ADCY1: variants seen among roughly 807,000 people sequenced by gnomAD.
ADCY1 encodes the protein adenylate cyclase type 1.
A neutral mutation model predicts 105.4 loss-of-function variants in ADCY1; 28 were observed. The ratio of observed to expected loss-of-function variants is 0.27; its 90% CI spans 0.20 to 0.36. ADCY1 has a LOEUF of 0.36. Among genes scored for constraint, ADCY1 ranks in the 10% least tolerant of loss-of-function variants. ADCY1 has a pLI of 1.00. For synonymous variants in ADCY1, 655 were observed against 623.8 expected (o/e 1.05, Z -0.75); for missense variants, 977 against 1,434.2 (o/e 0.68, Z 5.15).
In ADCY1 at chr7:45,592,812, G is replaced by C; in HGVS notation, c.693G>C (p.Val231=). ...FVGVNMYGVF[V]RILTERSQRK... ...GTGTGAACATGTATGGGGTCTTTGT[G>C]CGGATTCTGACTGAGCGTTCACAGA... The change falls in exon 2 of 20, where the codon GTG becomes GTC. Residue 231 remains valine, a synonymous_variant. Coordinates refer to ENST00000297323, the MANE Select transcript of ADCY1 (RefSeq NM_021116.4). 6.2e-7 allele frequency: 1 copy of C among 1,614,218 alleles called. No homozygotes were observed. Among genetic ancestry groups the C allele is most frequent in the Middle Eastern group, 1.6e-4 (1 of 6,062 alleles).
At position 45,574,952 on chromosome 7, in the gene ADCY1, T is replaced by A; in HGVS notation, c.409T>A (p.Cys137Ser). Residue 137 changes from cysteine to serine, a missense_variant, in exon 1 of 20, where the codon TGC (cysteine) becomes AGC (serine). By Grantham distance (112) the Cys-to-Ser change is moderately radical. Around this residue, in one of 7 missense-constraint regions of ADCY1, gnomAD observed 209 missense variants for 222.5 expected, o/e 0.94. Transcript: ENST00000297323. This position sits in a 1 kb window ranked among gnomAD's most constrained non-coding sequence, Gnocchi z 7.0. ...CTTCAGCCTCACCTTCGCGCTGCTC[T>A]GCTGTCCTTTCGCGCTGGGCGGCCC... is the stretch of plus-strand genomic sequence containing the variant. ...LLFSLTFALLCCPFALGGPAR... is the reference protein window; with the variant it reads ...LLFSLTFALLSCPFALGGPAR... The A allele has an allele frequency of 6.2e-7, 1 of 1,611,924 alleles. No individual in the cohort carries two copies. The highest frequency in any genetic ancestry group is 8.5e-7 in the Non-Finnish European group (1 of 1,179,656).
At chr7:45,698,164 T>TAC (rs72397514) in intron 14 of ADCY1, among the ~76,000 whole-genome samples, 2,065 of 147,618 alleles carry the variant, frequency 0.014, 22 homozygotes, top group South Asian at 0.032. Flanking sequence ...CATACTCTCT[T>TAC]ACACACACAC....
At chr7:45,640,719 T>A (rs1031457335) in intron 4 of ADCY1, among the ~76,000 whole-genome samples, 1 of 152,238 alleles carries the variant, frequency 6.6e-6, no homozygotes, top group African/African-American at 2.4e-5. Context: ...TATGTTAAGA[T>A]GTTATCTTTA....
rs1785479004 is a variant in ADCY1 at position 45,721,799 on chromosome 7, C to CT, written c.*7805dup. On this transcript the variant is annotated 3_prime_UTR_variant, in exon 20 of 20. Transcript: ENST00000297323. ...ACCAGAGCACATGTGCTCTGACCCT[C>CT]TCCTGGGCATTGGTTCCTGCTGGTA... The CT allele has an allele frequency of 2.5e-6, 1 of 398,492 alleles. No homozygotes were observed. The highest frequency in any genetic ancestry group is 4.4e-6 in the Non-Finnish European group (1 of 226,096). The allele number at this position is 398,492 out of a possible 1,614,324, so 24.7% of individuals were successfully genotyped here.
intron 4 of ADCY1, among the ~76,000 whole-genome samples, chr7:45,648,081 G>C (rs1794711612): frequency 6.6e-6 from 1 of 152,252 alleles, no homozygotes; most frequent in African/African-American, 2.4e-5. Context: ...GGCTGGTGCT[G>C]CTGTTCCTAT....
chr7:45,626,284 C>T (rs372428863), intron 4 of ADCY1, among the ~76,000 whole-genome samples: 3 of 152,212 alleles, frequency 2.0e-5, no homozygotes, highest in South Asian at 2.1e-4. Flanking sequence ...TGCTCTAAAC[C>T]GTGACACCCA....
chr7:45,691,353 C>A (rs977470168), intron 14 of ADCY1, among the ~76,000 whole-genome samples: 2 of 152,196 alleles, frequency 1.3e-5, no homozygotes, highest in Non-Finnish European at 2.9e-5. Flanking sequence ...ACAACAAATG[C>A]CACCTGCTTT....
chr7:45,659,603 C>G (rs1010211583), intron 6 of ADCY1, among the ~76,000 whole-genome samples: 1 of 152,206 alleles, frequency 6.6e-6, no homozygotes, highest in African/African-American at 2.4e-5. Flanking sequence ...GTGGCCACCC[C>G]TGACTTCTTG....
intron 4 of ADCY1, among the ~76,000 whole-genome samples, chr7:45,646,361 G>A (rs1794664059): frequency 6.6e-6 from 1 of 152,198 alleles, no homozygotes; most frequent in Non-Finnish European, 1.5e-5. Flanking sequence ...GGCCCTGAGG[G>A]GCTGGCACTG....
chr7:45,683,404 A>G (rs1433924383), intron 11 of ADCY1, among the ~76,000 whole-genome samples: 2 of 152,090 alleles, frequency 1.3e-5, no homozygotes, highest in African/African-American at 4.8e-5. Context: ...GTTCTGCCCA[A>G]TGGGAGGATT....
rs2471271 is a variant in ADCY1 at position 45,710,969 on chromosome 7, G to A, written c.3057+317G>A. Among the ~76,000 whole-genome samples, 53,731 of 151,922 alleles carry A rather than the reference G, an allele frequency of 0.35. 10,842 individuals are homozygous for A. Among genetic ancestry groups the A allele is most frequent in the South Asian group, 0.63 (3,018 of 4,814 alleles). On this transcript the variant is annotated intron_variant, in intron 19 of 19. Coordinates refer to ENST00000297323, the MANE Select transcript of ADCY1 (RefSeq NM_021116.4). This position sits in a 1 kb window ranked among gnomAD's most constrained non-coding sequence, Gnocchi z 4.7. ...TTCACTCTGCACATCCCAGGACTCC[G>A]GACTCCACCAGCTGCCATAGGAAGG...
chr7:45,575,017 C>G lies in ADCY1; in HGVS notation c.474C>G (p.Thr158=), dbSNP rs879115647. 4.3e-6 allele frequency: 7 copies of G among 1,611,804 alleles called. No individual in the cohort carries two copies. In the South Asian group the frequency reaches 5.5e-5, roughly 13 times the overall value. The change falls in exon 1 of 20, where the codon ACC becomes ACG. Residue 158 remains threonine, a synonymous_variant. Coordinates refer to ENST00000297323, the MANE Select transcript of ADCY1 (RefSeq NM_021116.4). This position sits in a 1 kb window ranked among gnomAD's most constrained non-coding sequence, Gnocchi z 4.7. ...GSAGAAGGPA[T]AEQGVWQLLL... ...CCGGGGCCGCTGGGGGGCCAGCGAC[C>G]GCCGAACAAGGGGTTTGGCAGCTCC...
At chr7:45,633,885 A>G (rs1251122198) in intron 4 of ADCY1, among the ~76,000 whole-genome samples, 1 of 152,004 alleles carries the variant, frequency 6.6e-6, no homozygotes, top group East Asian at 1.9e-4. Flanking sequence ...TTTTGCATCA[A>G]CCTAAATAGA....
At chr7:45,689,983 C>T (rs990198333) in intron 14 of ADCY1, among the ~76,000 whole-genome samples, 1 of 152,222 alleles carries the variant, frequency 6.6e-6, no homozygotes, top group Non-Finnish European at 1.5e-5. Context: ...CCCCTGTGGG[C>T]AGTGGAGCTG....
chr7:45,592,874 A>G lies in ADCY1; in HGVS notation c.755A>G (p.Asp252Gly), dbSNP rs1792965794. 2 of 1,614,054 alleles carry G rather than the reference A, an allele frequency of 1.2e-6. No individual in the cohort carries two copies. Among genetic ancestry groups the G allele is most frequent in the South Asian group, 2.2e-5 (2 of 91,090 alleles). Residue 252 changes from aspartate (D) to glycine (G), a missense_variant, in exon 2 of 20, where the codon GAC (aspartate) becomes GGC (glycine). Around this residue, in one of 7 missense-constraint regions of ADCY1, gnomAD observed 196 missense variants for 347.8 expected, o/e 0.56. Transcript: ENST00000297323. ...AFLQARSCIEDRLRLEDENEK... is the reference protein window; with the variant it reads ...AFLQARSCIEGRLRLEDENEK... ...CTGCAGGCCCGGAGCTGCATTGAGG[A>G]CCGACTGAGGCTGGAGGATGAGAAC...
intron 4 of ADCY1, among the ~76,000 whole-genome samples, chr7:45,639,571 G>C (rs999653156): frequency 2.0e-5 from 3 of 152,202 alleles, no homozygotes; most frequent in Admixed American, 1.3e-4. Flanking sequence ...GGCTCATCCT[G>C]ATCCCATTCC....
At chr7:45,650,380 TATATC>T (rs141100326) in intron 5 of ADCY1, among the ~76,000 whole-genome samples, 2,083 of 152,302 alleles carry the variant, frequency 0.014, 16 homozygotes, top group Non-Finnish European at 0.024. Context: ...ATATAGATAA[TATATC>T]ATATCAGATC....
At chr7:45,593,692 C>T (rs2115783612) in intron 2 of ADCY1, among the ~76,000 whole-genome samples, 1 of 152,344 alleles carries the variant, frequency 6.6e-6, no homozygotes, top group East Asian at 1.9e-4. Context: ...CCAAACTGCT[C>T]ATGTCTCAGG....
At chr7:45,577,392 T>C (rs1792382237) in intron 1 of ADCY1, among the ~76,000 whole-genome samples, 1 of 152,218 alleles carries the variant, frequency 6.6e-6, no homozygotes. Context: ...GCAGGGCAGA[T>C]GATTCCCAGG....
Sources: gnomAD v4.1 joint callset for allele counts (sites outside exome capture counted in the v4.1 genomes callset) on GRCh38, gnomAD v4.1.1 for gene constraint, gnomAD v4.1.1 regional missense constraint, Gnocchi (gnomAD v3.1) non-coding constraint, MANE v1.5 for transcripts, NCBI Gene and HGNC (gene_info 2026-07-23, HGNC 2026-07-21) for gene names.